The following FAM193A variants were observed in gnomAD, a reference collection of about 807,000 sequenced individuals.
FAM193A encodes the protein protein FAM193A.
In FAM193A, 22 loss-of-function variants were observed where a neutral mutation model predicts 126.5. The observed-to-expected ratio is 0.17, with a 90% CI of 0.12 to 0.25. The LOEUF is 0.25. Ranked by LOEUF, FAM193A falls within the 10% of genes least tolerant of loss-of-function variation. The pLI is 1.00. For missense variants in FAM193A, 1,675 were observed against 1,672.8 expected (o/e 1.00, Z -0.02); for synonymous variants, 761 against 646.8 (o/e 1.18, Z -2.68).
rs1207378549 is a variant in FAM193A at position 2,706,756 on chromosome 4, A to G, written c.4372+6212A>G. On this transcript the variant is annotated intron_variant, in intron 19 of 20. Coordinates refer to ENST00000637812, the MANE Select transcript of FAM193A (RefSeq NM_001366318.2). ...GCTGTTCTCTCCTCATAGCTTTTCCAGCTCAGTATTTCCCAGGCTATTTCA... is the reference window on the plus strand; with the variant it reads ...GCTGTTCTCTCCTCATAGCTTTTCCGGCTCAGTATTTCCCAGGCTATTTCA... Among the ~76,000 whole-genome samples the G allele has an allele frequency of 3.3e-5, 5 of 150,836 alleles. No homozygotes were observed. The East Asian group carries it at 9.7e-4, about 29-fold the overall frequency.
chr4:2,559,627 G>A (rs1578595229), intron 1 of FAM193A, among the ~76,000 whole-genome samples: 1 of 152,018 alleles, frequency 6.6e-6, no homozygotes, highest in Non-Finnish European at 1.5e-5. Context: ...CCTTACTCTC[G>A]CCGTAGTCTA....
At chr4:2,711,951 C>T (rs1455935759) in intron 19 of FAM193A, among the ~76,000 whole-genome samples, 1 of 152,040 alleles carries the variant, frequency 6.6e-6, no homozygotes, top group Non-Finnish European at 1.5e-5. Flanking sequence ...TATGTAATTT[C>T]CATGCGTCTT....
intron 8 of FAM193A, among the ~76,000 whole-genome samples, chr4:2,659,147 G>A (rs1712083384): frequency 6.6e-6 from 1 of 152,148 alleles, no homozygotes. Context: ...TGCTCACCTT[G>A]TCTGTTAGAA....
At chr4:2,610,666 T>G (rs572529550) in intron 2 of FAM193A, among the ~76,000 whole-genome samples, 79 of 152,338 alleles carry the variant, frequency 5.2e-4, no homozygotes, top group African/African-American at 1.8e-3. Flanking sequence ...GTTTATCCAT[T>G]CATCAATAGA....
At chr4:2,563,823 A>C (rs1738776552) in intron 1 of FAM193A, among the ~76,000 whole-genome samples, 1 of 152,230 alleles carries the variant, frequency 6.6e-6, no homozygotes, top group African/African-American at 2.4e-5. Flanking sequence ...AGGGAAGGAA[A>C]GTATATAGAG....
chr4:2,713,196 A>G (rs1039471315), intron 19 of FAM193A, among the ~76,000 whole-genome samples: 2 of 151,838 alleles, frequency 1.3e-5, no homozygotes, highest in African/African-American at 2.4e-5. Flanking sequence ...CATGAGGTCA[A>G]GAGATCAAGA....
At chr4:2,575,611 C>T (rs1307211470) in intron 1 of FAM193A, among the ~76,000 whole-genome samples, 1 of 151,488 alleles carries the variant, frequency 6.6e-6, no homozygotes, top group Non-Finnish European at 1.5e-5. Flanking sequence ...GGATTACAGG[C>T]GCCCACCACT....
At chr4:2,724,618 G>A (rs539304525) in intron 20 of FAM193A, among the ~76,000 whole-genome samples, 2 of 152,326 alleles carry the variant, frequency 1.3e-5, no homozygotes, top group African/African-American at 2.4e-5. Context: ...GGGAGGCTGA[G>A]GTGGAGGATC....
intron 13 of FAM193A, among the ~76,000 whole-genome samples, chr4:2,683,108 A>G (rs1429397311): frequency 2.6e-5 from 4 of 152,028 alleles, no homozygotes; most frequent in African/African-American, 9.7e-5. Context: ...CTGGACACAT[A>G]ATTCTAGGTT....
At chr4:2,570,361 G>C (rs1739219644) in intron 1 of FAM193A, among the ~76,000 whole-genome samples, 1 of 152,158 alleles carries the variant, frequency 6.6e-6, no homozygotes, top group Admixed American at 6.5e-5. Context: ...CCCTAACTCT[G>C]AATCTAAGTT....
rs927054224 is a variant in FAM193A at position 2,608,072 on chromosome 4, G to A, written c.501+11743G>A. On this transcript the variant is annotated intron_variant, in intron 2 of 20. Transcript: ENST00000637812. Reference sequence around the variant, plus strand: ...CATAAATTGCAGAGTGTAAGGTGAAGCCGGCCTGATTCACTCCCAGATTAG... The same window carrying A: ...CATAAATTGCAGAGTGTAAGGTGAAACCGGCCTGATTCACTCCCAGATTAG... The A allele has an allele frequency of 1.6e-5, 25 of 1,609,608 alleles. No individual in the cohort carries two copies. The Admixed American group carries it at 3.3e-4, about 22-fold the overall frequency.
chr4:2,573,658 G>A (rs566646810), intron 1 of FAM193A, among the ~76,000 whole-genome samples: 123 of 152,246 alleles, frequency 8.1e-4, no homozygotes, highest in African/African-American at 2.8e-3. Flanking sequence ...TCACTTGTGC[G>A]TTTGTTCCAG....
chr4:2,690,993 C>G lies in FAM193A; in HGVS notation c.2803+23C>G, dbSNP rs747144273. On this transcript the variant is annotated intron_variant, in intron 15 of 20. Transcript: ENST00000637812. ...TAGGTAAGGCTTGAAGGCTCACTGG[C>G]CCTCGGGGTCTGCAGGAAGGCTGGG... The G allele has an allele frequency of 3.8e-6, 6 of 1,591,358 alleles. No homozygotes were observed. The Admixed American group carries it at 1.1e-4, about 28-fold the overall frequency.
chr4:2,577,603 G>A lies in FAM193A; in HGVS notation c.256-18481G>A, dbSNP rs886766716. Among the ~76,000 whole-genome samples, 10 of 151,992 alleles carry A rather than the reference G, an allele frequency of 6.6e-5. No individual in the cohort carries two copies. In the South Asian group the frequency reaches 1.5e-3, roughly 22 times the overall value. The stretch of plus-strand genomic sequence containing the variant: ...CCGGCTAATTTTTTAATTTTTAGTG[G>A]AGGTGGAGTTTTGCCGTGTTGGCCA... On this transcript the variant is annotated intron_variant, in intron 1 of 20. Transcript: ENST00000637812.
chr4:2,632,316 C>T (rs1025019538), intron 5 of FAM193A, among the ~76,000 whole-genome samples: 2 of 152,036 alleles, frequency 1.3e-5, no homozygotes, highest in African/African-American at 4.8e-5. Context: ...CTGTAATCCT[C>T]GCACTTTGGG....
At chr4:2,566,060 T>C (rs1273172110) in intron 1 of FAM193A, among the ~76,000 whole-genome samples, 5 of 152,070 alleles carry the variant, frequency 3.3e-5, no homozygotes, top group Admixed American at 2.6e-4. Flanking sequence ...GCTTTTTTTT[T>C]TTTTTGAGAC....
intron 19 of FAM193A, among the ~76,000 whole-genome samples, chr4:2,703,589 T>C (rs1717977121): frequency 6.6e-6 from 1 of 152,150 alleles, no homozygotes; most frequent in African/African-American, 2.4e-5. Flanking sequence ...CTACAGTAAG[T>C]ACTTGTGTGC....
chr4:2,657,707 T>C, intron 7 of FAM193A, 96 bp from the exon 8 acceptor site: 1 of 742,224 alleles, frequency 1.3e-6, no homozygotes, highest in Non-Finnish European at 2.3e-6. Flanking sequence ...CTCATATATA[T>C]CATTTTAAGA....
At chr4:2,684,375 CT>C (rs559967710) in intron 13 of FAM193A, among the ~76,000 whole-genome samples, 4 of 150,808 alleles carry the variant, frequency 2.7e-5, no homozygotes, top group Admixed American at 6.6e-5. Flanking sequence ...TTTTAATTTA[CT>C]TTTTTTTTCC....
Sources: allele counts gnomAD v4.1 joint callset (sites outside exome capture counted in the v4.1 genomes callset), GRCh38; gene constraint gnomAD v4.1.1; transcripts MANE v1.5; gene names NCBI Gene and HGNC (gene_info 2026-07-23, HGNC 2026-07-21).